The following GRID2 variants were observed in gnomAD, a reference collection of about 807,000 sequenced individuals.
GRID2 encodes the protein glutamate ionotropic receptor delta type subunit 2, also known as glutamate receptor ionotropic, delta-2.
GRID2 carries 33 observed loss-of-function variants against 114.8 expected under a neutral mutation model. The observed-to-expected ratio is 0.29, with a 90% CI of 0.22 to 0.38. GRID2 has a LOEUF of 0.38. GRID2 is among the 10% of genes least tolerant of loss of function. The pLI is 1.00. For synonymous variants in GRID2, 505 were observed against 449.9 expected (o/e 1.12, Z -1.55); for missense variants, 1,184 against 1,257.7 (o/e 0.94, Z 0.89).
At chr4:93,677,914 G>C (rs1725071521) in intron 14 of GRID2, among the ~76,000 whole-genome samples, 1 of 150,468 alleles carries the variant, frequency 6.6e-6, no homozygotes, top group East Asian at 2.0e-4. Context: ...ACCAGCAACG[G>C]AACAAAGCTG....
chr4:93,061,103 AAAATAAATAAAT>A (rs58943728), intron 2 of GRID2, among the ~76,000 whole-genome samples: 39,668 of 143,652 alleles, frequency 0.28, 5,693 homozygotes, highest in Middle Eastern at 0.41. Context: ...ACTCCATCTC[AAAATAAATAAAT>A]AAATAAATAA....
At chr4:92,775,040 G>T (rs1738723547) in intron 2 of GRID2, among the ~76,000 whole-genome samples, 1 of 151,992 alleles carries the variant, frequency 6.6e-6, no homozygotes, top group Non-Finnish European at 1.5e-5. Flanking sequence ...GATCCATTTT[G>T]CCTGTAAGAC....
chr4:93,653,830 G>A (rs1416846141), intron 14 of GRID2, among the ~76,000 whole-genome samples: 1 of 152,008 alleles, frequency 6.6e-6, no homozygotes, highest in African/African-American at 2.4e-5. Flanking sequence ...ATTTTCTTAG[G>A]AGCTCTACCT....
chr4:92,620,606 T>G, intron 2 of GRID2, among the ~76,000 whole-genome samples: 1 of 151,846 alleles, frequency 6.6e-6, no homozygotes, highest in Admixed American at 6.6e-5. Flanking sequence ...TCATATTTAT[T>G]GAATTGTTAC....
intron 1 of GRID2, among the ~76,000 whole-genome samples, chr4:92,312,902 A>G (rs186139741): frequency 6.6e-6 from 1 of 152,250 alleles, no homozygotes; most frequent in Admixed American, 6.5e-5. Context: ...AACTAAAAGT[A>G]GAACTATCAT....
chr4:93,022,419 C>T (rs1723459480), intron 2 of GRID2, among the ~76,000 whole-genome samples: 1 of 151,632 alleles, frequency 6.6e-6, no homozygotes, highest in African/African-American at 2.4e-5. Flanking sequence ...TTTTTTTAGT[C>T]ATGTATTGGT....
At chr4:93,004,672 C>G (rs1256652867) in intron 2 of GRID2, among the ~76,000 whole-genome samples, 1 of 152,000 alleles carries the variant, frequency 6.6e-6, no homozygotes, top group Non-Finnish European at 1.5e-5. Flanking sequence ...CTTCCACTCC[C>G]CCTCAGAGCA....
At chr4:92,678,483 C>T (rs1277609123) in intron 2 of GRID2, among the ~76,000 whole-genome samples, 1 of 152,016 alleles carries the variant, frequency 6.6e-6, no homozygotes, top group East Asian at 1.9e-4. Flanking sequence ...AAATCTCACT[C>T]AAAGTCTGAA....
At chr4:93,287,581 T>C (rs1157740145) in intron 8 of GRID2, among the ~76,000 whole-genome samples, 1 of 152,176 alleles carries the variant, frequency 6.6e-6, no homozygotes, top group Non-Finnish European at 1.5e-5. Context: ...TATACTGAAT[T>C]TAGGGAGTAT....
chr4:92,548,842 C>T (rs1361739298), intron 1 of GRID2, among the ~76,000 whole-genome samples: 1 of 152,020 alleles, frequency 6.6e-6, no homozygotes, highest in African/African-American at 2.4e-5. Flanking sequence ...CCGCACTACA[C>T]ATCGCCAGAG....
chr4:93,552,541 G>A (rs1365339622), intron 13 of GRID2, among the ~76,000 whole-genome samples: 1 of 152,120 alleles, frequency 6.6e-6, no homozygotes, highest in Non-Finnish European at 1.5e-5. Flanking sequence ...TCCAGCACCT[G>A]TTGTTTCCTG....
intron 11 of GRID2, among the ~76,000 whole-genome samples, chr4:93,467,594 A>G (rs375933234): frequency 2.0e-5 from 3 of 152,330 alleles, no homozygotes; most frequent in African/African-American, 7.2e-5. Flanking sequence ...GGGACTGTCT[A>G]CAAGTACCAC....
intron 2 of GRID2, among the ~76,000 whole-genome samples, chr4:93,027,498 A>C (rs1222318957): frequency 1.3e-5 from 2 of 152,110 alleles, no homozygotes; most frequent in Admixed American, 6.6e-5. Context: ...TGGATTTTAC[A>C]GAGTGTATCC....
In GRID2 at chr4:93,311,785, C is replaced by G. The variant is rs540934205; in HGVS notation, c.1245+73295C>G. 9.2e-5 allele frequency among the ~76,000 whole-genome samples: 14 copies of G among 152,178 alleles called. No individual in the cohort carries two copies. The East Asian group carries it at 2.5e-3, about 27-fold the overall frequency. On this transcript the variant is annotated intron_variant, in intron 8 of 15. Transcript: ENST00000282020. ...GAGTGATCAACAAGGCCAAATGATG[C>G]TTTGTGTTAAAATCATATGAGGACT...
At chr4:93,648,091 C>G (rs1264292200) in intron 14 of GRID2, among the ~76,000 whole-genome samples, 2 of 152,000 alleles carry the variant, frequency 1.3e-5, no homozygotes, top group African/African-American at 2.4e-5. Flanking sequence ...CCAGTTTGCT[C>G]TAGTTAAATG....
At chr4:93,151,441 G>A (rs1442348648) in intron 4 of GRID2, among the ~76,000 whole-genome samples, 1 of 150,496 alleles carries the variant, frequency 6.6e-6, no homozygotes, top group East Asian at 2.0e-4. Flanking sequence ...CCTTCAACAG[G>A]CTCAAACTTC....
chr4:93,354,832 A>T (rs376366635), intron 8 of GRID2, among the ~76,000 whole-genome samples: 15 of 134,388 alleles, frequency 1.1e-4, no homozygotes, highest in Non-Finnish European at 2.1e-4. Flanking sequence ...ATATATATAT[A>T]ATATATATAA....
chr4:92,672,907 A>C (rs1170569580), intron 2 of GRID2, among the ~76,000 whole-genome samples: 1 of 152,106 alleles, frequency 6.6e-6, no homozygotes, highest in Non-Finnish European at 1.5e-5. Flanking sequence ...TCTATCAAGC[A>C]CCAGTTCTCA....
chr4:92,348,744 C>G lies in GRID2; in HGVS notation c.88+44000C>G, dbSNP rs188873194. On this transcript the variant is annotated intron_variant, in intron 1 of 15. Transcript: ENST00000282020. Reference sequence around the variant, plus strand: ...TTAAGACATAGTTTATGAGATCTTGCACCCAAACACATAACGTCTCCAGGC... The same window carrying G: ...TTAAGACATAGTTTATGAGATCTTGGACCCAAACACATAACGTCTCCAGGC... 5.5e-4 allele frequency among the ~76,000 whole-genome samples: 84 copies of G among 152,196 alleles called. No homozygotes were observed. In the East Asian group the frequency reaches 0.012, roughly 22 times the overall value.
Sources: gnomAD v4.1 joint callset for allele counts (sites outside exome capture counted in the v4.1 genomes callset) on GRCh38, gnomAD v4.1.1 for gene constraint, MANE v1.5 for transcripts, NCBI Gene and HGNC (gene_info 2026-07-23, HGNC 2026-07-21) for gene names.